The following DNAJB4 variants were observed in gnomAD, a reference collection of about 807,000 sequenced individuals.
DNAJB4 encodes the protein dnaJ homolog subfamily B member 4.
Under a neutral mutation model 26.6 loss-of-function variants are expected in DNAJB4, and 10 were observed. That is an observed-to-expected ratio of 0.38 (90% CI 0.23 to 0.64). The LOEUF is 0.64. Ranked by LOEUF, DNAJB4 falls within the 30% of genes least tolerant of loss-of-function variation. DNAJB4 has a pLI of 0.58. For synonymous variants in DNAJB4, 136 were observed against 134.8 expected (o/e 1.01, Z -0.06); for missense variants, 328 against 408.2 (o/e 0.80, Z 1.69).
chr1:78,000,349 A>G (rs577719559), upstream of DNAJB4, among the ~76,000 whole-genome samples: 19 of 152,204 alleles, frequency 1.2e-4, no homozygotes, highest in Non-Finnish European at 2.1e-4. Context: ...CTAAATTGGT[A>G]TTAATGTTAC....
At chr1:78,004,907 T>C (rs942349097), upstream of DNAJB4, 4 of 591,108 alleles carry the variant, frequency 6.8e-6, no homozygotes, top group African/African-American at 1.9e-5. Flanking sequence ...TCCTGTGTAG[T>C]GTATATTTAT....
At chr1:78,012,731 C>T (rs1660523064) in intron 1 of DNAJB4, among the ~76,000 whole-genome samples, 1 of 152,062 alleles carries the variant, frequency 6.6e-6, no homozygotes, top group African/African-American at 2.4e-5. Flanking sequence ...ATTGTTTGAA[C>T]CTGGGAGGCG....
rs1184264257 is a variant in DNAJB4, at chr1:77,980,493, T to A, written c.-32+171T>A. 9.2e-5 allele frequency among the ~76,000 whole-genome samples: 14 copies of A among 152,272 alleles called. No homozygotes were observed. The East Asian group carries it at 2.7e-3, about 29-fold the overall frequency. ...TGTTAATAGTAGTAAGCTCCAGGAA[T>A]CGTGAGGATACTTTAGAAGTCTTAC... On this transcript the variant is annotated intron_variant, in intron 1 of 2. Transcript: ENST00000426517.
upstream of DNAJB4, among the ~76,000 whole-genome samples, chr1:78,000,552 AC>A (rs1265895994): frequency 6.6e-6 from 1 of 152,174 alleles, no homozygotes; most frequent in Non-Finnish European, 1.5e-5. Context: ...AAATATAATC[AC>A]TTTTACATAC....
rs1399360963 is a variant in DNAJB4, at chr1:78,013,041, C to A, written c.212-10C>A. On this transcript the variant is annotated splice_polypyrimidine_tract_variant and intron_variant, in intron 1 of 2. Coordinates refer to ENST00000370763, the MANE Select transcript of DNAJB4 (RefSeq NM_007034.5). Reference sequence around the variant, plus strand: ...AGCTTTTTTCTAATCATGCTTATCTCTTCAATTAGGGTTGAAAGGAGGAGC... The same window carrying A: ...AGCTTTTTTCTAATCATGCTTATCTATTCAATTAGGGTTGAAAGGAGGAGC... 3.8e-6 allele frequency: 6 copies of A among 1,572,446 alleles called. No individual in the cohort carries two copies. The highest frequency in any genetic ancestry group is 5.2e-6 in the Non-Finnish European group (6 of 1,162,178).
intron 1 of DNAJB4, among the ~76,000 whole-genome samples, chr1:77,993,874 T>C (rs1263924050): frequency 6.6e-6 from 1 of 152,238 alleles, no homozygotes; most frequent in African/African-American, 2.4e-5. Context: ...AGTTCAAGCT[T>C]ATGCATTTGG....
chr1:78,005,053 C>T lies in DNAJB4; in HGVS notation c.-58C>T. ...TTTTTCTTAGAATCTGTTGCTAAGA[C>T]TGGGGACGCTGTTTTCTTTTACAAA... On this transcript the variant is annotated 5_prime_UTR_variant, in exon 1 of 3. Coordinates refer to ENST00000370763, the MANE Select transcript of DNAJB4 (RefSeq NM_007034.5). The T allele has an allele frequency of 6.5e-7, 1 of 1,532,652 alleles. No homozygotes were observed. 94.9% of individuals were successfully genotyped at this position (1,532,652 alleles called of 1,614,324 possible).
At chr1:78,006,550 G>A (rs1557509236) in intron 1 of DNAJB4, among the ~76,000 whole-genome samples, 2 of 152,208 alleles carry the variant, frequency 1.3e-5, no homozygotes, top group Admixed American at 1.3e-4. Flanking sequence ...ATGTAGACAA[G>A]CAGGGTGATT....
chr1:77,991,403 C>T (rs1024444702), intron 1 of DNAJB4, among the ~76,000 whole-genome samples: 1 of 152,182 alleles, frequency 6.6e-6, no homozygotes, highest in Non-Finnish European at 1.5e-5. Context: ...ACTTGAAATG[C>T]TTTCAAGGTC....
At chr1:77,979,268 G>C (rs993212170), upstream of DNAJB4, 3 of 450,518 alleles carry the variant, frequency 6.7e-6, no homozygotes, top group Non-Finnish European at 1.2e-5. Context: ...ATTTCTTTTG[G>C]CACCTCCTCT....
intron 1 of DNAJB4, among the ~76,000 whole-genome samples, chr1:77,986,966 A>G (rs1185335686): frequency 6.6e-6 from 1 of 152,076 alleles, no homozygotes; most frequent in African/African-American, 2.4e-5. Context: ...TGATTGTTAA[A>G]TGGAAGGGGA....
intron 1 of DNAJB4, among the ~76,000 whole-genome samples, chr1:77,987,086 C>T (rs747941561): frequency 6.6e-6 from 1 of 152,204 alleles, no homozygotes; most frequent in Non-Finnish European, 1.5e-5. Context: ...AAGTGTCATA[C>T]TGGCTTAGAA....
rs2102605571 is a variant in DNAJB4 at position 78,005,381 on chromosome 1, T to TCTCTCTGCCAGCCTTTTTCCC, written c.211+67_211+87dup. 5.0e-6 allele frequency: 7 copies of TCTCTCTGCCAGCCTTTTTCCC among 1,396,176 alleles called. No homozygotes were observed. In the South Asian group the frequency reaches 8.5e-5, roughly 17 times the overall value. The allele number at this position is 1,396,176 out of a possible 1,614,324, so 86.5% of individuals were successfully genotyped here. A position where few individuals can be genotyped will look rare whatever the true frequency, so the allele number is the denominator to read the frequency against. On this transcript the variant is annotated intron_variant, in intron 1 of 2. Transcript: ENST00000370763. ...GCTCTGTCTCTTTTTTTTTTTTCTCTCTCTCTGCCAGCCTTTTTCCCCTCT... is the reference window on the plus strand; with the variant it reads ...GCTCTGTCTCTTTTTTTTTTTTCTCTCTCTCTGCCAGCCTTTTTCCCCTCTCTGCCAGCCTTTTTCCCCTCT...
At chr1:77,992,125 C>T (rs1380643219) in intron 1 of DNAJB4, among the ~76,000 whole-genome samples, 1 of 152,040 alleles carries the variant, frequency 6.6e-6, no homozygotes, top group Non-Finnish European at 1.5e-5. Flanking sequence ...TAGAACATAA[C>T]AAATGAGGCC....
chr1:78,005,402 CCT>C (rs1194636657), intron 1 of DNAJB4, 81 bp downstream of exon 1: 12 of 1,215,502 alleles, frequency 9.9e-6, no homozygotes, highest in East Asian at 5.1e-5. Flanking sequence ...GCCTTTTTCC[CCT>C]CTCTCTCAGC....
chr1:78,003,968 A>G (rs1159550948), upstream of DNAJB4, among the ~76,000 whole-genome samples: 7 of 152,232 alleles, frequency 4.6e-5, no homozygotes, highest in East Asian at 1.3e-3. Flanking sequence ...ATCTCCAACA[A>G]TGAATATATA....
chr1:77,986,494 G>C (rs185682032), intron 1 of DNAJB4, among the ~76,000 whole-genome samples: 16 of 152,214 alleles, frequency 1.1e-4, no homozygotes, highest in African/African-American at 3.1e-4. Flanking sequence ...CTTACTTGCT[G>C]GCTTTCCTTC....
chr1:78,015,550 CT>C (rs766899519), intron 2 of DNAJB4, among the ~76,000 whole-genome samples: 201 of 57,790 alleles, frequency 3.5e-3, no homozygotes, highest in East Asian at 0.01. Flanking sequence ...TTTCTTTCTT[CT>C]TTTTTTTTTT....
At chr1:77,981,892 A>G (rs951692652) in intron 1 of DNAJB4, among the ~76,000 whole-genome samples, 6 of 152,228 alleles carry the variant, frequency 3.9e-5, no homozygotes, top group Non-Finnish European at 7.3e-5. Flanking sequence ...TCCTTTGATT[A>G]TGATCATGGG....
Sources: gnomAD v4.1 joint callset for allele counts (sites outside exome capture counted in the v4.1 genomes callset) on GRCh38, gnomAD v4.1.1 for gene constraint, MANE v1.5 for transcripts, NCBI Gene and HGNC (gene_info 2026-07-23, HGNC 2026-07-21) for gene names.